Variants in TSC22D1 observed in about 807,000 individuals in gnomAD.
TSC22D1 encodes the protein TSC22 domain family protein 1.
In TSC22D1, 9 loss-of-function variants were observed where a neutral mutation model predicts 74.2. The observed-to-expected ratio is 0.12, with a 90% CI of 0.07 to 0.21. The LOEUF is 0.21. Ranked by LOEUF, TSC22D1 falls within the 10% of genes least tolerant of loss-of-function variation. The probability of loss-of-function intolerance (pLI) is 1.00; values close to 1 mark genes in which losing one functional copy is unlikely to be tolerated. For missense variants in TSC22D1, 1,427 were observed against 1,304.7 expected (o/e 1.09, Z -1.44); for synonymous variants, 586 against 492.5 (o/e 1.19, Z -2.51).
At chr13:44,446,872 AAAC>A (rs1176290920) in intron 1 of TSC22D1, among the ~76,000 whole-genome samples, 1 of 8,892 alleles carries the variant, frequency 1.1e-4, no homozygotes, top group African/African-American at 1.5e-4. Flanking sequence ...GAAGAAAAAG[AAAC>A]ATATTTTTAA....
chr13:44,516,441 C>A, intron 1 of TSC22D1: 1 of 368,246 alleles, frequency 2.7e-6, no homozygotes, highest in African/African-American at 2.2e-5. Context: ...AAGGGGACTT[C>A]GGCATAAAGG....
Position 44,574,343 on chromosome 13 carries a change from G to T in TSC22D1, c.1732C>A (p.Gln578Lys), listed in dbSNP as rs551854328. ...CCAACCACATTTACAGGCGATGGCT[G>T]GATACCAGTTGCAGCACTCATAGTG... ...QATMSAATGI[Q>K]PSPVNVVGVT... The change falls in exon 1 of 3, where the codon CAG (glutamine) becomes AAG (lysine). Residue 578 changes from glutamine to lysine, a missense_variant. By Grantham distance (53) the Gln-to-Lys change is moderately conservative. This residue lies in a region of TSC22D1 where 1,343 missense variants were observed against 1,191.5 expected (regional missense o/e 1.13). Transcript: ENST00000458659. The T allele has an allele frequency of 6.2e-7, 1 of 1,614,262 alleles. No homozygotes were observed. The highest frequency in any genetic ancestry group is 2.2e-5 in the East Asian group (1 of 44,894).
At chr13:44,445,145 T>G (rs1875532469) in intron 1 of TSC22D1, among the ~76,000 whole-genome samples, 1 of 151,946 alleles carries the variant, frequency 6.6e-6, no homozygotes. Flanking sequence ...AATAACTACT[T>G]GCATTACCAC....
intron 1 of TSC22D1, among the ~76,000 whole-genome samples, chr13:44,450,246 A>C (rs1049944519): frequency 6.6e-6 from 1 of 152,230 alleles, no homozygotes; most frequent in Non-Finnish European, 1.5e-5. Flanking sequence ...GACACCTCTC[A>C]GTAGTTGAGT....
intron 1 of TSC22D1, among the ~76,000 whole-genome samples, chr13:44,513,944 T>C (rs910301298): frequency 6.6e-6 from 1 of 152,166 alleles, no homozygotes; most frequent in African/African-American, 2.4e-5. Flanking sequence ...AACCATGTAG[T>C]AGAAAAGTTG....
intron 1 of TSC22D1, among the ~76,000 whole-genome samples, chr13:44,531,699 A>C (rs996690759): frequency 1.1e-4 from 17 of 152,226 alleles, no homozygotes; most frequent in African/African-American, 3.9e-4. Context: ...CCATTAAATA[A>C]ATAAAACACC....
intron 1 of TSC22D1, among the ~76,000 whole-genome samples, chr13:44,443,489 G>A (rs1345162346): frequency 6.6e-6 from 1 of 152,134 alleles, no homozygotes; most frequent in Non-Finnish European, 1.5e-5. Flanking sequence ...AGAGTGTGAA[G>A]AGCACCAGAA....
chr13:44,527,869 T>C (rs1246196948), intron 1 of TSC22D1, among the ~76,000 whole-genome samples: 1 of 152,122 alleles, frequency 6.6e-6, no homozygotes, highest in African/African-American at 2.4e-5. Context: ...AGATATGCTA[T>C]GCTAACACTA....
At chr13:44,436,324 GAA>G in intron 1 of TSC22D1, 1 of 959,098 alleles carries the variant, frequency 1.0e-6, no homozygotes. Context: ...ATAATGTGGG[GAA>G]AGCCTGTTCT....
chr13:44,490,380 A>G (rs1031361148), intron 1 of TSC22D1, among the ~76,000 whole-genome samples: 7 of 149,592 alleles, frequency 4.7e-5, no homozygotes, highest in African/African-American at 1.7e-4. Flanking sequence ...TTTTTCATGT[A>G]GATGGAGGTT....
chr13:44,479,631 C>G (rs1878087561), intron 1 of TSC22D1, among the ~76,000 whole-genome samples: 2 of 152,172 alleles, frequency 1.3e-5, no homozygotes, highest in African/African-American at 4.8e-5. Context: ...GCCACATACA[C>G]CAGCATTCTC....
intron 1 of TSC22D1, among the ~76,000 whole-genome samples, chr13:44,522,659 G>C (rs1265904076): frequency 2.0e-5 from 3 of 152,128 alleles, no homozygotes; most frequent in Non-Finnish European, 4.4e-5. Flanking sequence ...ATCCAACACT[G>C]ACCTTTTATC....
At chr13:44,482,830 T>C (rs1308131156) in intron 1 of TSC22D1, among the ~76,000 whole-genome samples, 2 of 152,226 alleles carry the variant, frequency 1.3e-5, no homozygotes, top group Middle Eastern at 3.2e-3. Flanking sequence ...ATGTAAACAT[T>C]GATTAAAATA....
At chr13:44,443,451 T>C (rs1875369883) in intron 1 of TSC22D1, among the ~76,000 whole-genome samples, 1 of 152,120 alleles carries the variant, frequency 6.6e-6, no homozygotes, top group Admixed American at 6.5e-5. Context: ...AGGAAAATGA[T>C]ACCAGATGAA....
chr13:44,441,628 G>A (rs1240111345), intron 1 of TSC22D1, among the ~76,000 whole-genome samples: 1 of 152,060 alleles, frequency 6.6e-6, no homozygotes, highest in Non-Finnish European at 1.5e-5. Context: ...AAATGTGGAG[G>A]TAAAAATGAG....
In TSC22D1 at chr13:44,433,733, T is replaced by G. The variant is rs1398810136; in HGVS notation, c.*893A>C. 2.1e-6 allele frequency: 1 copy of G among 478,272 alleles called. No homozygotes were observed. Among genetic ancestry groups the G allele is most frequent in the Non-Finnish European group, 3.6e-6 (1 of 275,384 alleles). 29.6% of individuals were successfully genotyped at this position (478,272 alleles called of 1,614,324 possible). A position where few individuals can be genotyped will look rare whatever the true frequency, so the allele number is the denominator to read the frequency against. On this transcript the variant is annotated 3_prime_UTR_variant, in exon 3 of 3. Coordinates refer to ENST00000458659, the MANE Select transcript of TSC22D1 (RefSeq NM_183422.4). Reference sequence around the variant, plus strand: ...AACCAGCTCAATTGAAAGACTTCAGTGAACAAGGATTTACTTCAGCGTATT... The same window carrying G: ...AACCAGCTCAATTGAAAGACTTCAGGGAACAAGGATTTACTTCAGCGTATT...
At chr13:44,542,496 C>A (rs151168467) in intron 1 of TSC22D1, among the ~76,000 whole-genome samples, 7 of 151,942 alleles carry the variant, frequency 4.6e-5, no homozygotes, top group African/African-American at 1.7e-4. Flanking sequence ...ACCAAATGTC[C>A]GAAGGTTAAG....
intron 1 of TSC22D1, among the ~76,000 whole-genome samples, chr13:44,570,188 CTTTTTTTTT>C (rs1258759696): frequency 7.6e-6 from 1 of 132,450 alleles, no homozygotes; most frequent in African/African-American, 2.8e-5. Context: ...GACATTAAGA[CTTTTTTTTT>C]TTTTTTTTTT....
chr13:44,559,311 G>A (rs1253737274), intron 1 of TSC22D1, among the ~76,000 whole-genome samples: 1 of 152,062 alleles, frequency 6.6e-6, no homozygotes, highest in Non-Finnish European at 1.5e-5. Flanking sequence ...GTACCCAAAG[G>A]AACAACCTTA....
Sources: allele counts gnomAD v4.1 joint callset (sites outside exome capture counted in the v4.1 genomes callset), GRCh38; gene constraint gnomAD v4.1.1; regional missense constraint gnomAD v4.1.1; transcripts MANE v1.5; gene names NCBI Gene and HGNC (gene_info 2026-07-23, HGNC 2026-07-21).